FAM168A: variants seen among roughly 807,000 people sequenced by gnomAD.
FAM168A encodes family with sequence similarity 168 member A.
Under a neutral mutation model 28.5 loss-of-function variants are expected in FAM168A, and 3 were observed. The ratio of observed to expected loss-of-function variants is 0.11; its 90% CI spans 0.05 to 0.27. FAM168A has a LOEUF of 0.27. Ranked by LOEUF, FAM168A falls within the 10% of genes least tolerant of loss-of-function variation. The pLI is 1.00. For missense variants in FAM168A, 222 were observed against 311.5 expected, an observed-to-expected ratio of 0.71 and a Z score of 2.16; for synonymous variants, 122 against 124.2, an observed-to-expected ratio of 0.98 and a Z score of 0.12.
chr11:73,480,585 T>C (rs891753478), intron 1 of FAM168A, among the ~76,000 whole-genome samples: 1 of 152,166 alleles, frequency 6.6e-6, no homozygotes, highest in African/African-American at 2.4e-5. Flanking sequence ...ACAAAGTGCT[T>C]GAAACAGAGA....
chr11:73,571,926 C>CGCCT (rs1944095832), intron 1 of FAM168A, among the ~76,000 whole-genome samples: 1 of 149,296 alleles, frequency 6.7e-6, no homozygotes, highest in South Asian at 2.1e-4. Context: ...ATGTGAGGAG[C>CGCCT]GCCTCTGCCC....
At chr11:73,484,348 T>A in intron 1 of FAM168A, among the ~76,000 whole-genome samples, 1 of 152,010 alleles carries the variant, frequency 6.6e-6, no homozygotes, top group Admixed American at 6.6e-5. Flanking sequence ...TATCACATAG[T>A]ACTCTGTATC....
intron 1 of FAM168A, among the ~76,000 whole-genome samples, chr11:73,544,234 C>T (rs1347727103): frequency 6.6e-6 from 1 of 152,112 alleles, no homozygotes; most frequent in Non-Finnish European, 1.5e-5. Context: ...AAATGATATA[C>T]CATTTCACAT....
intron 2 of FAM168A, among the ~76,000 whole-genome samples, chr11:73,442,651 TG>T (rs1319995220): frequency 1.7e-4 from 26 of 152,190 alleles, no homozygotes; most frequent in Non-Finnish European, 2.8e-4. Context: ...GAACATACTT[TG>T]GTATGAGTTC....
chr11:73,509,142 C>T (rs1590823292), intron 1 of FAM168A, among the ~76,000 whole-genome samples: 1 of 152,284 alleles, frequency 6.6e-6, no homozygotes, highest in Non-Finnish European at 1.5e-5. Flanking sequence ...TACACCAGTA[C>T]AGCATCATTG....
chr11:73,545,462 T>C (rs1207938572), intron 1 of FAM168A, among the ~76,000 whole-genome samples: 2 of 151,938 alleles, frequency 1.3e-5, no homozygotes, highest in African/African-American at 2.4e-5. Context: ...CAGAGGGTGA[T>C]TGCTAAAGGG....
At chr11:73,526,327 T>C (rs1943446585) in intron 1 of FAM168A, among the ~76,000 whole-genome samples, 2 of 152,322 alleles carry the variant, frequency 1.3e-5, no homozygotes, top group South Asian at 4.2e-4. Context: ...GCAAAAATTA[T>C]AGAGTGATAA....
chr11:73,447,319 A>G (rs928091244), intron 2 of FAM168A, among the ~76,000 whole-genome samples: 1 of 151,938 alleles, frequency 6.6e-6, no homozygotes, highest in African/African-American at 2.4e-5. Context: ...GAGGTAGAGG[A>G]AGGAGAATTG....
intron 1 of FAM168A, among the ~76,000 whole-genome samples, chr11:73,557,493 G>T (rs1943904588): frequency 6.6e-6 from 1 of 152,090 alleles, no homozygotes; most frequent in Admixed American, 6.6e-5. Flanking sequence ...GCCTCCCAAA[G>T]TGCTGGGATT....
intron 1 of FAM168A, among the ~76,000 whole-genome samples, chr11:73,509,596 T>C (rs1031629279): frequency 5.3e-5 from 8 of 152,212 alleles, no homozygotes; most frequent in Non-Finnish European, 1.0e-4. Flanking sequence ...CAGACAGTTC[T>C]ATACCCAACT....
intron 2 of FAM168A, among the ~76,000 whole-genome samples, chr11:73,431,611 T>C (rs1020540984): frequency 7.2e-5 from 11 of 152,184 alleles, no homozygotes; most frequent in Non-Finnish European, 1.3e-4. Flanking sequence ...ATGGCATAAA[T>C]GCTTCCACTA....
chr11:73,511,811 G>C (rs1052533946), intron 1 of FAM168A, among the ~76,000 whole-genome samples: 1 of 152,132 alleles, frequency 6.6e-6, no homozygotes, highest in Non-Finnish European at 1.5e-5. Context: ...CACTTCACAG[G>C]ATTAGCCTGA....
At chr11:73,507,354 A>C (rs1855135805) in intron 1 of FAM168A, among the ~76,000 whole-genome samples, 2 of 152,222 alleles carry the variant, frequency 1.3e-5, no homozygotes, top group African/African-American at 4.8e-5. Context: ...ATTAAGATAT[A>C]AAAATAAGAC....
chr11:73,572,932 A>G (rs1944123203), intron 1 of FAM168A, among the ~76,000 whole-genome samples: 1 of 152,348 alleles, frequency 6.6e-6, no homozygotes, highest in Admixed American at 6.5e-5. Context: ...TTGATGTTCC[A>G]CTTAGGAAAA....
intron 2 of FAM168A, among the ~76,000 whole-genome samples, chr11:73,442,838 CT>C (rs11365247): frequency 0.1 from 13,056 of 127,330 alleles, 691 homozygotes; most frequent in Non-Finnish European, 0.12. Context: ...TTCTTTCTTT[CT>C]TTTTTTTTTT....
chr11:73,585,963 T>C (rs1196609480), intron 1 of FAM168A, among the ~76,000 whole-genome samples: 1 of 151,506 alleles, frequency 6.6e-6, no homozygotes, highest in Non-Finnish European at 1.5e-5. Context: ...TGCATTACTC[T>C]ATACTTTGTA....
chr11:73,595,674 A>G (rs562566096), intron 1 of FAM168A, among the ~76,000 whole-genome samples: 2 of 152,334 alleles, frequency 1.3e-5, no homozygotes, highest in East Asian at 3.9e-4. Flanking sequence ...GCATATCGCT[A>G]AGGTTTAAAT....
chr11:73,558,722 A>G (rs1943918722), intron 1 of FAM168A, among the ~76,000 whole-genome samples: 1 of 152,212 alleles, frequency 6.6e-6, no homozygotes, highest in Non-Finnish European at 1.5e-5. Flanking sequence ...TTAGAGAAAT[A>G]CAAGTCAAAA....
At chr11:73,552,623 G>A (rs1943842439) in intron 1 of FAM168A, among the ~76,000 whole-genome samples, 2 of 152,088 alleles carry the variant, frequency 1.3e-5, no homozygotes, top group South Asian at 2.1e-4. Context: ...AACCTGGCAC[G>A]AAAGAGGTAC....
Sources: gnomAD v4.1 joint callset for allele counts (sites outside exome capture counted in the v4.1 genomes callset) on GRCh38, gnomAD v4.1.1 for gene constraint, MANE v1.5 for transcripts, NCBI Gene and HGNC (gene_info 2026-07-23, HGNC 2026-07-21) for gene names.